ANK3: variants seen among roughly 807,000 people sequenced by gnomAD.
The protein encoded by ANK3 is ankyrin-3.
Under a neutral mutation model 370.9 loss-of-function variants are expected in ANK3, and 57 were observed. The ratio of observed to expected loss-of-function variants is 0.15; its 90% CI spans 0.12 to 0.19. ANK3 has a LOEUF of 0.19. Among genes scored for constraint, ANK3 ranks in the 10% least tolerant of loss-of-function variants. The probability of loss-of-function intolerance (pLI) is 1.00; values close to 1 mark genes in which losing one functional copy is unlikely to be tolerated. For synonymous variants in ANK3, 1,929 were observed against 1,946.3 expected (o/e 0.99, Z 0.23); for missense variants, 4,439 against 5,302.1 (o/e 0.84, Z 5.06).
intron 2 of ANK3, among the ~76,000 whole-genome samples, chr10:60,431,475 C>T (rs2064021365): frequency 6.6e-6 from 1 of 152,104 alleles, no homozygotes; most frequent in South Asian, 2.1e-4. Context: ...GCTGTGCAGC[C>T]CGGTTCCTAA....
chr10:60,304,230 G>A lies in ANK3; in HGVS notation c.115-24591C>T, dbSNP rs142717854. Among the ~76,000 whole-genome samples, 118 of 148,350 alleles carry A rather than the reference G, an allele frequency of 8.0e-4. 1 individual carries two copies. Among genetic ancestry groups the A allele is most frequent in the African/African-American group, 2.9e-3 (115 of 40,292 alleles). On this transcript the variant is annotated intron_variant, in intron 1 of 43. Coordinates refer to ENST00000280772, the MANE Select transcript of ANK3 (RefSeq NM_020987.5). Reference sequence around the variant, plus strand: ...TGCTTTATTATACTTGAAATTTGCTGAAAGGGTAGATCTTAATTGTTCATA... The same window carrying A: ...TGCTTTATTATACTTGAAATTTGCTAAAAGGGTAGATCTTAATTGTTCATA...
At chr10:60,310,527 A>G (rs115343946) in intron 1 of ANK3, among the ~76,000 whole-genome samples, 1,566 of 152,346 alleles carry the variant, frequency 0.01, 41 homozygotes, top group African/African-American at 0.036. Flanking sequence ...ATGAGAAAAA[A>G]GAGTGAATAA....
intron 1 of ANK3, among the ~76,000 whole-genome samples, chr10:60,677,795 A>AAAAAAG (rs1564536602): frequency 2.0e-5 from 3 of 151,396 alleles, no homozygotes; most frequent in Non-Finnish European, 2.9e-5. Flanking sequence ...AAAAAAAAAA[A>AAAAAAG]AAAAGAAAAG....
Position 60,343,041 on chromosome 10 carries a change from T to A in ANK3, c.114+46384A>T, listed in dbSNP as rs186976471. The stretch of plus-strand genomic sequence containing the variant: ...ATGTTCTTATGATACAGTGTAAGGC[T>A]GCAGACCAAACACAGGCAAGCAATC... On this transcript the variant is annotated intron_variant, in intron 1 of 43. Transcript: ENST00000280772. Among the ~76,000 whole-genome samples, 151 of 152,266 alleles carry A rather than the reference T, an allele frequency of 9.9e-4. 1 individual carries two copies. Among genetic ancestry groups the A allele is most frequent in the South Asian group, 3.7e-3 (18 of 4,828 alleles).
intron 9 of ANK3, among the ~76,000 whole-genome samples, chr10:60,212,452 T>C (rs1057328397): frequency 1.3e-5 from 2 of 152,024 alleles, no homozygotes; most frequent in African/African-American, 4.8e-5. Flanking sequence ...ATATGGGGTA[T>C]GTAAAAGGAA....
chr10:60,332,710 T>G (rs2051678341), intron 1 of ANK3, among the ~76,000 whole-genome samples: 1 of 152,206 alleles, frequency 6.6e-6, no homozygotes, highest in Admixed American at 6.5e-5. Flanking sequence ...AAGAGCACCC[T>G]ATTCTAATTT....
intron 1 of ANK3, chr10:60,615,283 T>C: frequency 7.8e-7 from 1 of 1,275,436 alleles, no homozygotes; most frequent in Non-Finnish European, 1.1e-6. Flanking sequence ...ATATTTACCA[T>C]GACGGTGATT....
chr10:60,531,895 C>T (rs1443340572), intron 2 of ANK3, among the ~76,000 whole-genome samples: 1 of 152,086 alleles, frequency 6.6e-6, no homozygotes, highest in Non-Finnish European at 1.5e-5. Flanking sequence ...AGGAATCAGG[C>T]TTAAGAAGCC....
chr10:60,152,420 C>G (rs1318243459), intron 23 of ANK3, among the ~76,000 whole-genome samples: 1 of 151,998 alleles, frequency 6.6e-6, no homozygotes, highest in Non-Finnish European at 1.5e-5. Flanking sequence ...CACTGGCTCT[C>G]TATAGAAAAA....
At chr10:60,281,130 G>C (rs2098155902) in intron 1 of ANK3, among the ~76,000 whole-genome samples, 1 of 152,164 alleles carries the variant, frequency 6.6e-6, no homozygotes, top group Non-Finnish European at 1.5e-5. Flanking sequence ...AATTCACTAA[G>C]AGTCAACTTG....
At chr10:60,267,645 C>A (rs1321061451) in intron 5 of ANK3, among the ~76,000 whole-genome samples, 1 of 152,082 alleles carries the variant, frequency 6.6e-6, no homozygotes, top group Non-Finnish European at 1.5e-5. Context: ...TTAAAAAGTA[C>A]TAGAGAGCTC....
chr10:60,263,800 A>G, intron 6 of ANK3, 35 bp downstream of exon 6: 1 of 1,611,276 alleles, frequency 6.2e-7, no homozygotes, highest in Non-Finnish European at 8.5e-7. Flanking sequence ...AACACCGGAG[A>G]GTTGCATGAC....
intron 23 of ANK3, among the ~76,000 whole-genome samples, chr10:60,149,197 T>C (rs1481641838): frequency 2.6e-5 from 4 of 152,178 alleles, no homozygotes; most frequent in Admixed American, 1.3e-4. Context: ...TCAGTTCTCA[T>C]TCTCACTGGG....
intron 21 of ANK3, among the ~76,000 whole-genome samples, chr10:60,170,561 T>C (rs2095757030): frequency 6.6e-6 from 1 of 152,214 alleles, no homozygotes; most frequent in Non-Finnish European, 1.5e-5. Context: ...ACGTGAACAC[T>C]TCTTTTGGTG....
chr10:60,630,607 A>G (rs1028038265), intron 1 of ANK3, among the ~76,000 whole-genome samples: 7 of 152,158 alleles, frequency 4.6e-5, no homozygotes, highest in African/African-American at 1.7e-4. Context: ...GTGATCTGGG[A>G]GGAAGGAAGG....
intron 2 of ANK3, among the ~76,000 whole-genome samples, chr10:60,470,799 AAAAC>A (rs1283616982): frequency 3.3e-5 from 5 of 152,148 alleles, no homozygotes; most frequent in South Asian, 2.1e-4. Context: ...CAAAGAATAA[AAAAC>A]AAACAAACAA....
chr10:60,682,146 T>C (rs77450623), intron 1 of ANK3, among the ~76,000 whole-genome samples: 8,285 of 152,086 alleles, frequency 0.054, 324 homozygotes, highest in African/African-American at 0.095. Context: ...GACTCTGCCT[T>C]TAAAAAAAAC....
intron 28 of ANK3, among the ~76,000 whole-genome samples, chr10:60,090,562 G>A (rs1012681661): frequency 2.6e-5 from 4 of 152,042 alleles, no homozygotes; most frequent in Non-Finnish European, 5.9e-5. Context: ...AATACCAAAC[G>A]TATTAATAAT....
At chr10:60,569,311 T>C (rs1285684837) in intron 2 of ANK3, among the ~76,000 whole-genome samples, 1 of 152,202 alleles carries the variant, frequency 6.6e-6, no homozygotes, top group Non-Finnish European at 1.5e-5. Flanking sequence ...TCTTATTGAT[T>C]ATTTTTATTT....
Sources: gnomAD v4.1 joint callset for allele counts (sites outside exome capture counted in the v4.1 genomes callset) on GRCh38, gnomAD v4.1.1 for gene constraint, MANE v1.5 for transcripts, NCBI Gene and HGNC (gene_info 2026-07-23, HGNC 2026-07-21) for gene names.